The following TMCO5A variants were observed in gnomAD, a reference collection of about 807,000 sequenced individuals.
The protein encoded by TMCO5A is transmembrane and coiled-coil domain-containing protein 5A.
TMCO5A carries 34 observed loss-of-function variants against 42.3 expected under a neutral mutation model. The observed-to-expected ratio is 0.80, with a 90% CI of 0.61 to 1.07. TMCO5A has a LOEUF of 1.07. Ranked by LOEUF, TMCO5A falls within the 50% of genes least tolerant of loss-of-function variation. The pLI, the probability that TMCO5A is intolerant of heterozygous loss-of-function variation, is 0.00. For missense variants in TMCO5A, 357 were observed against 327.9 expected (o/e 1.09, Z -0.69); for synonymous variants, 131 against 115.6 (o/e 1.13, Z -0.86).
At chr15:37,942,758 T>C (rs1054559197) in intron 9 of TMCO5A, 2 of 154,464 alleles carry the variant, frequency 1.3e-5, no homozygotes, top group Non-Finnish European at 2.9e-5. Context: ...CATTTAAAAT[T>C]AGAGATGGGA....
chr15:38,003,404 T>C, the TMCO5A span, among the ~76,000 whole-genome samples: 1 of 152,072 alleles, frequency 6.6e-6, no homozygotes, highest in South Asian at 2.1e-4. Context: ...CTATCACCTA[T>C]GTTCATCAAG....
downstream of TMCO5A, among the ~76,000 whole-genome samples, chr15:37,953,326 G>A (rs559958256): frequency 1.7e-3 from 264 of 152,264 alleles, 3 homozygotes; most frequent in African/African-American, 4.8e-3. Context: ...GGCCACAGAG[G>A]TACTTGTGTT....
the TMCO5A span, among the ~76,000 whole-genome samples, chr15:38,023,445 C>A: frequency 6.6e-6 from 1 of 152,258 alleles, no homozygotes; most frequent in African/African-American, 2.4e-5. Flanking sequence ...AGCATAGCAA[C>A]CTCAGAGTAG....
chr15:37,972,294 C>A (rs543920549), downstream of TMCO5A, among the ~76,000 whole-genome samples: 2 of 152,250 alleles, frequency 1.3e-5, no homozygotes, highest in Admixed American at 1.3e-4. Flanking sequence ...TGGAAAAGAC[C>A]TGCCACCATG....
chr15:37,990,408 C>T, the TMCO5A span, among the ~76,000 whole-genome samples: 12 of 151,894 alleles, frequency 7.9e-5, no homozygotes, highest in Non-Finnish European at 1.8e-4. Context: ...TCAATTTTGC[C>T]AGATATTAGT....
the TMCO5A span, among the ~76,000 whole-genome samples, chr15:38,028,123 T>G: frequency 1.3e-5 from 2 of 150,738 alleles, no homozygotes; most frequent in Non-Finnish European, 2.9e-5. Context: ...AAACCGCAAA[T>G]TAAGAAAATT....
chr15:38,006,113 C>T, the TMCO5A span, among the ~76,000 whole-genome samples: 1 of 152,170 alleles, frequency 6.6e-6, no homozygotes, highest in Admixed American at 6.5e-5. Context: ...ACTCACAGTT[C>T]CCCTAGAAAC....
the TMCO5A span, among the ~76,000 whole-genome samples, chr15:37,989,796 A>G: frequency 6.6e-6 from 1 of 152,034 alleles, no homozygotes; most frequent in Non-Finnish European, 1.5e-5. Context: ...AACATGGTGG[A>G]ATAGGGAAGC....
chr15:37,949,122 G>T (rs763135967), intron 11 of TMCO5A, among the ~76,000 whole-genome samples: 1 of 151,718 alleles, frequency 6.6e-6, no homozygotes, highest in Admixed American at 6.6e-5. Context: ...AAGCCATAAG[G>T]CCTAAATAAC....
Position 37,943,489 on chromosome 15 carries a change from A to C in TMCO5A, c.627+91A>C, listed in dbSNP as rs560041053. 4.0e-5 allele frequency: 51 copies of C among 1,276,428 alleles called. No homozygotes were observed. In the Middle Eastern group the frequency reaches 5.7e-4, roughly 14 times the overall value. 79.1% of individuals were successfully genotyped at this position (1,276,428 alleles called of 1,614,324 possible). The stretch of plus-strand genomic sequence containing the variant: ...ACTATAAGGCACCAAATATATACCC[A>C]ATCTTGCCATGCGCATTTTCCAAGA... On this transcript the variant is annotated intron_variant, in intron 10 of 11. Coordinates refer to ENST00000319669, the MANE Select transcript of TMCO5A (RefSeq NM_152453.4).
Position 37,951,315 on chromosome 15 carries a change from AAG to A in TMCO5A, c.*85_*86del, listed in dbSNP as rs1362596345. 1 of 1,408,088 alleles carries A rather than the reference AAG, an allele frequency of 7.1e-7. No homozygotes were observed. Among genetic ancestry groups the A allele is most frequent in the Non-Finnish European group, 9.9e-7 (1 of 1,014,730 alleles). The allele number at this position is 1,408,088 out of a possible 1,614,324, so 87.2% of individuals were successfully genotyped here. A position where few individuals can be genotyped will look rare whatever the true frequency, so the allele number is the denominator to read the frequency against. On this transcript the variant is annotated 3_prime_UTR_variant, in exon 12 of 12. Transcript: ENST00000319669. ...AGGGAGGCATGAAACTTGTGGAGGAAAGAGATTTGCTTCAGTTTTTTCCTCAC... is the reference window on the plus strand; with the variant it reads ...AGGGAGGCATGAAACTTGTGGAGGAAAGATTTGCTTCAGTTTTTTCCTCAC...
intron 2 of TMCO5A, 152 bp from the exon 3 acceptor site, chr15:37,936,162 T>C (rs1190598055): frequency 9.2e-6 from 8 of 871,784 alleles, no homozygotes; most frequent in Non-Finnish European, 1.3e-5. Flanking sequence ...TAGAGCATGA[T>C]CAAGAAATGT....
intron 6 of TMCO5A, among the ~76,000 whole-genome samples, chr15:37,940,788 G>C (rs1889705533): frequency 6.6e-6 from 1 of 152,132 alleles, no homozygotes; most frequent in Admixed American, 6.6e-5. Context: ...TACAGGGAGG[G>C]AGAAAGGAGT....
the TMCO5A span, among the ~76,000 whole-genome samples, chr15:37,981,749 T>C: frequency 6.6e-6 from 1 of 152,220 alleles, no homozygotes; most frequent in Non-Finnish European, 1.5e-5. Context: ...AACATTTTTA[T>C]GTAGCATGAG....
chr15:38,014,507 A>C, the TMCO5A span, among the ~76,000 whole-genome samples: 2 of 152,178 alleles, frequency 1.3e-5, no homozygotes, highest in Non-Finnish European at 2.9e-5. Flanking sequence ...AGAACTAATG[A>C]CATAAGCTTC....
chr15:37,997,032 T>A, the TMCO5A span, among the ~76,000 whole-genome samples: 3 of 152,220 alleles, frequency 2.0e-5, no homozygotes, highest in African/African-American at 7.2e-5. Context: ...TTCATTAGAT[T>A]GGCTCATTTA....
the TMCO5A span, among the ~76,000 whole-genome samples, chr15:37,980,140 C>T: frequency 1.3e-5 from 2 of 152,254 alleles, no homozygotes; most frequent in East Asian, 3.9e-4. Flanking sequence ...AGAGTTCAGG[C>T]GGTACCGGCG....
At chr15:38,033,542 A>G in the TMCO5A span, among the ~76,000 whole-genome samples, 58 of 150,064 alleles carry the variant, frequency 3.9e-4, no homozygotes, top group African/African-American at 1.4e-3. Flanking sequence ...TCAAAAAGGC[A>G]CTATATTTCT....
At chr15:38,003,222 G>GTCTCTCTCTCTCTCTCTC in the TMCO5A span, among the ~76,000 whole-genome samples, 601 of 147,132 alleles carry the variant, frequency 4.1e-3, 10 homozygotes, top group African/African-American at 0.014. Flanking sequence ...CCCAAACAGA[G>GTCTCTCTCTCTCTCTCTC]TCTCTCTCTC....
Sources: gnomAD v4.1 joint callset for allele counts (sites outside exome capture counted in the v4.1 genomes callset) on GRCh38, gnomAD v4.1.1 for gene constraint, MANE v1.5 for transcripts, NCBI Gene and HGNC (gene_info 2026-07-23, HGNC 2026-07-21) for gene names.